Variants in SHBG observed in about 807,000 individuals in gnomAD.
SHBG encodes the protein sex hormone-binding globulin.
SHBG carries 37 observed loss-of-function variants against 41.9 expected under a neutral mutation model. The observed-to-expected ratio is 0.88, with a 90% confidence interval of 0.68 to 1.16. The LOEUF (loss-of-function observed/expected upper bound fraction) is 1.16. Ranked by LOEUF, SHBG falls within the 50% of genes most tolerant of loss-of-function variation. The probability of loss-of-function intolerance (pLI) is 0.00; values close to 1 mark genes in which losing one functional copy is unlikely to be tolerated. For missense variants in SHBG, 466 were observed against 499.9 expected (o/e 0.93, Z 0.65); for synonymous variants, 217 against 205.8 (o/e 1.05, Z -0.47).
At chr17:7,616,451 C>CAAAAAA (rs71159512) in intron 1 of SHBG, among the ~76,000 whole-genome samples, 6 of 101,534 alleles carry the variant, frequency 5.9e-5, no homozygotes, top group East Asian at 3.2e-4. Flanking sequence ...ACTAAAAATA[C>CAAAAAA]AAAAAAAAAA....
At chr17:7,627,274 G>A, upstream of SHBG, 1 of 1,612,230 alleles carries the variant, frequency 6.2e-7, no homozygotes, top group South Asian at 1.1e-5. This position sits in a 1 kb window ranked among gnomAD's most constrained non-coding sequence, Gnocchi z 4.8. Flanking sequence ...GAGGACGTGG[G>A]TGTATGCCCA....
At chr17:7,618,484 T>C (rs954211183) in intron 1 of SHBG, among the ~76,000 whole-genome samples, 1 of 151,696 alleles carries the variant, frequency 6.6e-6, no homozygotes, top group Non-Finnish European at 1.5e-5. Flanking sequence ...TTTTTGTATT[T>C]TTAGTAAAGA....
At chr17:7,614,875 C>A (rs1418109881) in intron 1 of SHBG, 17 of 156,794 alleles carry the variant, frequency 1.1e-4, no homozygotes, top group Non-Finnish European at 7.1e-5. Context: ...CCTCCACCTC[C>A]CCCTGCCACC....
upstream of SHBG, chr17:7,627,890 G>T: frequency 1.6e-6 from 1 of 623,240 alleles, no homozygotes; most frequent in Non-Finnish European, 3.0e-6. The surrounding 1 kb of genome is among the most constrained non-coding windows in gnomAD (Gnocchi z 4.8). Flanking sequence ...GCAGCAGGGG[G>T]CACAACTGTC....
At position 7,630,844 on chromosome 17, in the gene SHBG, G is replaced by A. The variant is rs148001698; in HGVS notation, c.368G>A (p.Arg123Gln). 2.0e-4 allele frequency: 317 copies of A among 1,613,400 alleles called. No individual in the cohort carries two copies. The highest frequency in any genetic ancestry group is 3.2e-4 in the African/African-American group (24 of 74,866). The part of the protein sequence containing the change: ...WAQLTVGAGP[R>Q]LDDGRWHQVE... ...CAGCTTACGGTGGGTGCTGGACCACGGCTGGATGATGGGAGATGGCACCAG... is the reference window on the plus strand; with the variant it reads ...CAGCTTACGGTGGGTGCTGGACCACAGCTGGATGATGGGAGATGGCACCAG... The change falls in exon 3 of 8, where the codon CGG (arginine) becomes CAG (glutamine). Residue 123 changes from arginine (R) to glutamine (Q), a missense_variant. Arg to Gln is a conservative substitution (Grantham distance 43). Coordinates refer to ENST00000380450, the MANE Select transcript of SHBG (RefSeq NM_001040.5). This position sits in a 1 kb window ranked among gnomAD's most constrained non-coding sequence, Gnocchi z 4.6.
intron 1 of SHBG, among the ~76,000 whole-genome samples, chr17:7,615,642 A>ACC (rs2071966849): frequency 2.8e-5 from 2 of 70,370 alleles, no homozygotes; most frequent in African/African-American, 6.3e-5. Flanking sequence ...AAAATGGTGA[A>ACC]ACCCACCCCC....
upstream of SHBG, among the ~76,000 whole-genome samples, chr17:7,629,005 G>A (rs1239374806): frequency 6.6e-6 from 1 of 151,994 alleles, no homozygotes; most frequent in African/African-American, 2.4e-5. Flanking sequence ...ACAGTGAGCC[G>A]AGATCGTGCC....
chr17:7,624,986 GT>G (rs1567760731), upstream of SHBG, among the ~76,000 whole-genome samples: 1 of 104,448 alleles, frequency 9.6e-6, no homozygotes, highest in East Asian at 3.0e-4. Flanking sequence ...TTTTGCTCTT[GT>G]TGCCCAGGCT....
At chr17:7,625,763 C>T (rs553375719), upstream of SHBG, among the ~76,000 whole-genome samples, 3 of 151,450 alleles carry the variant, frequency 2.0e-5, no homozygotes, top group South Asian at 2.1e-4. Context: ...TGGTAGCAGG[C>T]GCCTGTAATC....
At chr17:7,619,153 G>A (rs2072044367) in intron 1 of SHBG, among the ~76,000 whole-genome samples, 2 of 152,062 alleles carry the variant, frequency 1.3e-5, no homozygotes, top group African/African-American at 4.8e-5. Flanking sequence ...CATTTTGGGA[G>A]GCCGAGGTGG....
upstream of SHBG, among the ~76,000 whole-genome samples, chr17:7,628,452 C>T (rs981421816): frequency 7.2e-6 from 1 of 138,152 alleles, no homozygotes; most frequent in Non-Finnish European, 1.6e-5. Flanking sequence ...TTTTTCTTCT[C>T]TTTTTTTTTG....
At chr17:7,617,659 A>T (rs973962212) in intron 1 of SHBG, among the ~76,000 whole-genome samples, 12 of 152,192 alleles carry the variant, frequency 7.9e-5, no homozygotes, top group African/African-American at 2.9e-4. Context: ...AGGAAAATAA[A>T]GTATAAGAAA....
upstream of SHBG, among the ~76,000 whole-genome samples, chr17:7,625,796 C>T (rs1206848464): frequency 6.6e-6 from 1 of 151,478 alleles, no homozygotes; most frequent in African/African-American, 2.4e-5. Context: ...GAGTCTGAGG[C>T]AGGAGAATCA....
chr17:7,626,946 G>A (rs1367225905), upstream of SHBG: 7 of 1,613,540 alleles, frequency 4.3e-6, no homozygotes, highest in South Asian at 1.1e-5. Context: ...CCAGTACCCC[G>A]ATATTCCGGC....
intron 1 of SHBG, among the ~76,000 whole-genome samples, chr17:7,620,797 A>G (rs769982085): frequency 1.3e-5 from 2 of 150,450 alleles, no homozygotes; most frequent in Non-Finnish European, 3.0e-5. Context: ...CACCCAGCTA[A>G]TTTTTTTGTA....
rs763410753 is a variant in SHBG at position 7,630,653 on chromosome 17, A to G, written c.204-27A>G. ...GGTTCTCAAAGGACACATGACATAC[A>G]CAATCTTTCCTTCTGTGTCCTTCCA... On this transcript the variant is annotated intron_variant, in intron 2 of 7. Transcript: ENST00000380450. This position sits in a 1 kb window ranked among gnomAD's most constrained non-coding sequence, Gnocchi z 4.6. The G allele has an allele frequency of 6.2e-7, 1 of 1,604,940 alleles. No individual in the cohort carries two copies. The highest frequency in any genetic ancestry group is 8.5e-7 in the Non-Finnish European group (1 of 1,172,262).
chr17:7,630,322 T>C lies in SHBG; in HGVS notation c.111+39T>C, dbSNP rs955618689. 4 of 1,590,746 alleles carry C rather than the reference T, an allele frequency of 2.5e-6. No homozygotes were observed. The African/African-American group carries it at 5.4e-5, about 21-fold the overall frequency. Reference sequence around the variant, plus strand: ...ACAGGGCACTCAGCTCATGCAGTCTTCCCTTCTCTCCTCTGGCCCTGTAGC... The same window carrying C: ...ACAGGGCACTCAGCTCATGCAGTCTCCCCTTCTCTCCTCTGGCCCTGTAGC... On this transcript the variant is annotated intron_variant, in intron 1 of 7. Transcript: ENST00000380450. The surrounding 1 kb of genome is among the most constrained non-coding windows in gnomAD (Gnocchi z 4.6).
At position 7,630,559 on chromosome 17, in the gene SHBG, C is replaced by A. The variant is rs759534052; in HGVS notation, c.203+52C>A. The A allele has an allele frequency of 1.1e-5, 17 of 1,558,852 alleles. No individual in the cohort carries two copies. In the South Asian group the frequency reaches 1.9e-4, roughly 17 times the overall value. Reference sequence around the variant, plus strand: ...CAGTCCCCTGGTTCTGCCCTCTCTCCATCAGCTCTTCTCTTTTCCCTGTCT... The same window carrying A: ...CAGTCCCCTGGTTCTGCCCTCTCTCAATCAGCTCTTCTCTTTTCCCTGTCT... On this transcript the variant is annotated intron_variant, in intron 2 of 7. Coordinates refer to ENST00000380450, the MANE Select transcript of SHBG (RefSeq NM_001040.5). The surrounding 1 kb of genome is among the most constrained non-coding windows in gnomAD (Gnocchi z 4.6).
At chr17:7,620,414 T>C (rs2072070344) in intron 1 of SHBG, among the ~76,000 whole-genome samples, 1 of 152,060 alleles carries the variant, frequency 6.6e-6, no homozygotes, top group African/African-American at 2.4e-5. Flanking sequence ...CCTCCCGGGT[T>C]CAAGAGATCC....
Sources: allele counts gnomAD v4.1 joint callset (sites outside exome capture counted in the v4.1 genomes callset), GRCh38; gene constraint gnomAD v4.1.1; non-coding constraint Gnocchi (gnomAD v3.1); transcripts MANE v1.5; gene names NCBI Gene and HGNC (gene_info 2026-07-23, HGNC 2026-07-21).